The following CHRM2 variants were observed in gnomAD, a reference collection of about 807,000 sequenced individuals.
CHRM2 encodes the protein muscarinic acetylcholine receptor M2.
CHRM2 carries 8 observed loss-of-function variants against 25.0 expected under a neutral mutation model. The ratio of observed to expected loss-of-function variants is 0.32; its 90% CI spans 0.19 to 0.58. The LOEUF (loss-of-function observed/expected upper bound fraction) is 0.58, where lower values mean the gene tolerates loss of function less well. CHRM2 is among the 20% of genes least tolerant of loss of function. The pLI is 0.88. For synonymous variants in CHRM2, 202 were observed against 205.7 expected, an observed-to-expected ratio of 0.98 and a Z score of 0.15; for missense variants, 440 against 567.1, an observed-to-expected ratio of 0.78 and a Z score of 2.28.
chr7:136,902,730 T>G (rs1031943320), intron 2 of CHRM2: 1 of 178,928 alleles, frequency 5.6e-6, no homozygotes, highest in African/African-American at 2.4e-5. Flanking sequence ...CAGCTAGATA[T>G]CCTTTCTCCA....
At chr7:136,992,119 C>G (rs1348238429) in intron 2 of CHRM2, 68 bp from the exon 3 acceptor site, 1 of 152,096 alleles carries the variant, frequency 6.6e-6, no homozygotes, top group Admixed American at 6.6e-5. Context: ...CTAATATACT[C>G]CATTTTTCTG....
At chr7:137,010,256 C>A (rs947731143) in intron 3 of CHRM2, among the ~76,000 whole-genome samples, 1 of 152,048 alleles carries the variant, frequency 6.6e-6, no homozygotes, top group African/African-American at 2.4e-5. Context: ...GTCTTCCCTG[C>A]CATGTATGGG....
chr7:137,014,968 T>C lies in CHRM2; in HGVS notation c.103T>C (p.Leu35=). The change falls in exon 4 of 4, where the codon TTG becomes CTG. Residue 35 remains leucine, a synonymous_variant. Transcript: ENST00000680005. ...FIVLVAGSLS[L]VTIIGNILVM... ...TGTCCTGGTGGCTGGATCCCTCAGT[T>C]TGGTGACCATTATCGGGAACATCCT... 1 of 1,613,342 alleles carries C rather than the reference T, an allele frequency of 6.2e-7. No homozygotes were observed. Among genetic ancestry groups the C allele is most frequent in the Non-Finnish European group, 8.5e-7 (1 of 1,179,576 alleles).
chr7:136,939,417 T>C (rs1239368882), intron 2 of CHRM2, among the ~76,000 whole-genome samples: 1 of 152,224 alleles, frequency 6.6e-6, no homozygotes, highest in Non-Finnish European at 1.5e-5. Flanking sequence ...AATTAACCTC[T>C]TAAGCGTCAG....
chr7:136,930,834 T>C (rs1372261841), intron 2 of CHRM2, among the ~76,000 whole-genome samples: 2 of 145,780 alleles, frequency 1.4e-5, no homozygotes, highest in Non-Finnish European at 3.0e-5. Flanking sequence ...GAGGCGGAGT[T>C]TGCAGTGAGC....
At chr7:136,961,445 G>A (rs994129550) in intron 2 of CHRM2, among the ~76,000 whole-genome samples, 1 of 152,124 alleles carries the variant, frequency 6.6e-6, no homozygotes, top group Non-Finnish European at 1.5e-5. Context: ...ATTGTAAAAT[G>A]TTATACTGAG....
intron 2 of CHRM2, among the ~76,000 whole-genome samples, chr7:136,954,624 A>C (rs1050473697): frequency 1.3e-5 from 2 of 152,200 alleles, no homozygotes; most frequent in African/African-American, 4.8e-5. Flanking sequence ...ACTATAAACA[A>C]TGTAGAAAGA....
intron 2 of CHRM2, chr7:136,903,112 T>G: frequency 1.9e-6 from 1 of 533,192 alleles, no homozygotes; most frequent in South Asian, 1.4e-5. Flanking sequence ...CTAGTGTAGG[T>G]GTAGGTTTTT....
intron 2 of CHRM2, among the ~76,000 whole-genome samples, chr7:136,930,993 G>A (rs1799069870): frequency 6.7e-6 from 1 of 149,168 alleles, no homozygotes; most frequent in South Asian, 2.1e-4. Flanking sequence ...GGGTTTAAAA[G>A]GATGTCAGTC....
At chr7:136,936,606 C>A (rs1584785583) in intron 2 of CHRM2, among the ~76,000 whole-genome samples, 1 of 91,028 alleles carries the variant, frequency 1.1e-5, no homozygotes, top group South Asian at 2.7e-4. Flanking sequence ...ATGTACATGT[C>A]TCTGTCTGAG....
chr7:137,010,499 C>T (rs916356513), intron 3 of CHRM2, among the ~76,000 whole-genome samples: 1 of 151,974 alleles, frequency 6.6e-6, no homozygotes, highest in African/African-American at 2.4e-5. Context: ...CGCAACACAT[C>T]TAAAAACTTT....
intron 2 of CHRM2, among the ~76,000 whole-genome samples, chr7:136,980,130 G>T (rs1257608774): frequency 6.6e-6 from 1 of 152,084 alleles, no homozygotes; most frequent in African/African-American, 2.4e-5. Flanking sequence ...TTGAGCAGTG[G>T]TTTGTAGTTC....
intron 2 of CHRM2, among the ~76,000 whole-genome samples, chr7:136,877,412 T>C (rs908572422): frequency 3.2e-4 from 48 of 152,092 alleles, no homozygotes; most frequent in Admixed American, 1.8e-3. Context: ...ATTTCTTTTC[T>C]ATTTCTTATT....
chr7:136,878,552 A>C (rs1231686371), intron 2 of CHRM2, among the ~76,000 whole-genome samples: 1 of 151,848 alleles, frequency 6.6e-6, no homozygotes, highest in Non-Finnish European at 1.5e-5. Context: ...GAAATTTCAG[A>C]ATTTGGGGTG....
intron 2 of CHRM2, among the ~76,000 whole-genome samples, chr7:136,987,874 T>C (rs1173291674): frequency 2.0e-5 from 3 of 152,018 alleles, no homozygotes; most frequent in Non-Finnish European, 4.4e-5. Flanking sequence ...ATCCCAACAG[T>C]TCCAAATTTT....
chr7:136,918,396 T>A (rs796672666), intron 2 of CHRM2, among the ~76,000 whole-genome samples: 12 of 152,134 alleles, frequency 7.9e-5, no homozygotes, highest in African/African-American at 2.9e-4. Context: ...TAAAGAGCAG[T>A]AAAAAGTTAG....
intron 3 of CHRM2, among the ~76,000 whole-genome samples, chr7:137,007,718 G>A (rs925688308): frequency 3.9e-5 from 6 of 152,046 alleles, no homozygotes; most frequent in Admixed American, 2.0e-4. Flanking sequence ...GCTTCCATCT[G>A]TAAGCAAAAT....
Position 137,014,561 on chromosome 7 carries a change from A to C in CHRM2, c.-46-259A>C, listed in dbSNP as rs137940957. ...GATATATAGGTAGATAGGTAGGTAG[A>C]TAGATACTCATATCTGGATAAGGAC... On this transcript the variant is annotated intron_variant, in intron 3 of 3. Coordinates refer to ENST00000680005, the MANE Select transcript of CHRM2 (RefSeq NM_001006630.2). Among the ~76,000 whole-genome samples, 34 of 152,116 alleles carry C rather than the reference A, an allele frequency of 2.2e-4. No homozygotes were observed. In the East Asian group the frequency reaches 6.4e-3, roughly 29 times the overall value.
intron 3 of CHRM2, among the ~76,000 whole-genome samples, chr7:137,002,284 T>C (rs1804095031): frequency 1.3e-5 from 2 of 152,328 alleles, no homozygotes; most frequent in South Asian, 4.1e-4. Context: ...AAATTAACTT[T>C]ATGCATATTT....
Sources: allele counts gnomAD v4.1 joint callset (sites outside exome capture counted in the v4.1 genomes callset), GRCh38; gene constraint gnomAD v4.1.1; transcripts MANE v1.5; gene names NCBI Gene and HGNC (gene_info 2026-07-23, HGNC 2026-07-21).